ZNF248: variants seen among roughly 807,000 people sequenced by gnomAD.
ZNF248 encodes the protein KRAB protein domain.
In ZNF248, 20 loss-of-function variants were observed where a neutral mutation model predicts 44.3. The observed-to-expected ratio is 0.45, with a 90% CI of 0.32 to 0.66. ZNF248 has a LOEUF of 0.66. ZNF248 is among the 30% of genes least tolerant of loss of function. The probability of loss-of-function intolerance (pLI) is 0.04; values close to 1 mark genes in which losing one functional copy is unlikely to be tolerated. For missense variants in ZNF248, 654 were observed against 677.0 expected (o/e 0.97, Z 0.38); for synonymous variants, 224 against 229.0 (o/e 0.98, Z 0.20).
intron 6 of ZNF248, among the ~76,000 whole-genome samples, chr10:37,792,560 G>A (rs2048686299): frequency 6.6e-6 from 1 of 152,130 alleles, no homozygotes; most frequent in African/African-American, 2.4e-5. Context: ...CTTTACAGGT[G>A]AGAAACCAGA....
intron 6 of ZNF248, among the ~76,000 whole-genome samples, chr10:37,797,780 G>T (rs1564484124): frequency 6.6e-6 from 1 of 152,058 alleles, no homozygotes; most frequent in Non-Finnish European, 1.5e-5. Context: ...CACTAGAAAA[G>T]CTGTAATAAA....
intron 6 of ZNF248, among the ~76,000 whole-genome samples, chr10:37,791,042 CTTTTTTTTTTTTTTT>C (rs869199263): frequency 9.8e-5 from 5 of 50,920 alleles, no homozygotes; most frequent in Non-Finnish European, 1.5e-4. Context: ...TTTGTTATTT[CTTTTTTTTTTTTTTT>C]TTTTTTTTTT....
intron 6 of ZNF248, among the ~76,000 whole-genome samples, chr10:37,821,930 C>A (rs2053534609): frequency 6.6e-6 from 1 of 152,280 alleles, no homozygotes; most frequent in Admixed American, 6.5e-5. Context: ...TGCCCAGAAC[C>A]AGTTCTACGC....
intron 6 of ZNF248, among the ~76,000 whole-genome samples, chr10:37,784,327 T>C (rs531375905): frequency 1.9e-4 from 29 of 152,320 alleles, no homozygotes; most frequent in African/African-American, 6.7e-4. Flanking sequence ...CCTGCGGTCT[T>C]TTACTCAGCC....
At chr10:37,837,486 T>TA in intron 5 of ZNF248, 131 bp downstream of exon 5, 1 of 702,400 alleles carries the variant, frequency 1.4e-6, no homozygotes, top group South Asian at 1.9e-5. Flanking sequence ...CCAATTGTTT[T>TA]TGATCATTTC....
Position 37,830,772 on chromosome 10 carries a change from AT to A in ZNF248, c.*842del. ...AAGAGACAGATGTGCAGTGCACACT[AT>A]TATACAGTATTTTCATCATACAGAT... On this transcript the variant is annotated 3_prime_UTR_variant, in exon 6 of 6. Coordinates refer to ENST00000395867, the MANE Select transcript of ZNF248 (RefSeq NM_021045.3). The A allele has an allele frequency of 4.7e-6, 1 of 212,808 alleles. No individual in the cohort carries two copies. The highest frequency in any genetic ancestry group is 8.2e-6 in the Non-Finnish European group (1 of 122,142). 13.2% of individuals were successfully genotyped at this position (212,808 alleles called of 1,614,324 possible).
At chr10:37,856,681 C>A (rs1049672592) in intron 1 of ZNF248, 149 bp from the exon 2 acceptor site, 2 of 1,005,118 alleles carry the variant, frequency 2.0e-6, no homozygotes, top group South Asian at 9.2e-5. Context: ...CCTGTTAACA[C>A]CATTAATGCC....
chr10:37,821,041 A>G, intron 6 of ZNF248: 4 of 1,044,574 alleles, frequency 3.8e-6, no homozygotes, highest in South Asian at 1.3e-5. Context: ...AAAGACCTAC[A>G]TAATTTTAAT....
intron 6 of ZNF248, among the ~76,000 whole-genome samples, chr10:37,779,839 AC>A (rs2047063755): frequency 6.6e-6 from 1 of 150,732 alleles, no homozygotes; most frequent in African/African-American, 2.4e-5. Flanking sequence ...AAATCAATGT[AC>A]AAAAATCACA....
At position 37,850,743 on chromosome 10, in the gene ZNF248, A is replaced by G. The variant is rs149561572; in HGVS notation, c.15+5553T>C. Reference sequence around the variant, plus strand: ...TTTTTAACAAATGGTGCTGCAAGCAATTGTACATCCATAGGCAAAAACTGA... The same window carrying G: ...TTTTTAACAAATGGTGCTGCAAGCAGTTGTACATCCATAGGCAAAAACTGA... On this transcript the variant is annotated intron_variant, in intron 3 of 5. Coordinates refer to ENST00000395867, the MANE Select transcript of ZNF248 (RefSeq NM_021045.3). 6.6e-4 allele frequency among the ~76,000 whole-genome samples: 101 copies of G among 152,342 alleles called. 2 individuals are homozygous for G. The East Asian group carries it at 0.017, about 26-fold the overall frequency.
At chr10:37,822,350 A>C (rs1377163922) in intron 6 of ZNF248, among the ~76,000 whole-genome samples, 1 of 152,216 alleles carries the variant, frequency 6.6e-6, no homozygotes, top group Non-Finnish European at 1.5e-5. Flanking sequence ...TGTCATCTCC[A>C]TGACTGTTTT....
At chr10:37,774,556 A>G (rs1379250801), downstream of ZNF248, among the ~76,000 whole-genome samples, 1 of 152,180 alleles carries the variant, frequency 6.6e-6, no homozygotes, top group African/African-American at 2.4e-5. Context: ...AGACAAGAAC[A>G]TGAAGCAGAC....
chr10:37,766,712 A>C, the ZNF248 span, among the ~76,000 whole-genome samples: 1 of 152,254 alleles, frequency 6.6e-6, no homozygotes, highest in Non-Finnish European at 1.5e-5. Flanking sequence ...TAAAAAGCAG[A>C]GTATCTCTCC....
At chr10:37,759,715 C>T in the ZNF248 span, among the ~76,000 whole-genome samples, 6 of 152,286 alleles carry the variant, frequency 3.9e-5, no homozygotes, top group African/African-American at 1.4e-4. Flanking sequence ...AAGCAAATAC[C>T]GAGTTGAGGT....
At chr10:37,813,180 C>T (rs184125890) in intron 6 of ZNF248, among the ~76,000 whole-genome samples, 1 of 152,122 alleles carries the variant, frequency 6.6e-6, no homozygotes, top group African/African-American at 2.4e-5. Flanking sequence ...AGGCGTAAGA[C>T]GTAGAAGAAC....
chr10:37,837,036 T>C (rs2057353653), intron 5 of ZNF248, among the ~76,000 whole-genome samples: 1 of 149,952 alleles, frequency 6.7e-6, no homozygotes, highest in African/African-American at 2.5e-5. Context: ...ATATCTAAAA[T>C]GAAGCCAACT....
At chr10:37,833,137 C>T (rs1003036038) in intron 5 of ZNF248, 21 bp from the exon 6 acceptor site, 2 of 1,560,704 alleles carry the variant, frequency 1.3e-6, no homozygotes, top group African/African-American at 1.4e-5. Flanking sequence ...GAAAAATAAC[C>T]ACATCTTATG....
chr10:37,808,008 C>T (rs2050840416), intron 6 of ZNF248, among the ~76,000 whole-genome samples: 2 of 152,180 alleles, frequency 1.3e-5, no homozygotes, highest in South Asian at 4.1e-4. Flanking sequence ...GACGTAGTTT[C>T]CTTCTATTTC....
At chr10:37,839,418 G>A (rs1349897927) in intron 3 of ZNF248, among the ~76,000 whole-genome samples, 2 of 151,844 alleles carry the variant, frequency 1.3e-5, no homozygotes, top group East Asian at 1.9e-4. Flanking sequence ...TGTTTCTAAC[G>A]CCATGCTCCA....
Sources: gnomAD v4.1 joint callset for allele counts (sites outside exome capture counted in the v4.1 genomes callset) on GRCh38, gnomAD v4.1.1 for gene constraint, MANE v1.5 for transcripts, NCBI Gene and HGNC (gene_info 2026-07-23, HGNC 2026-07-21) for gene names.